The following CLYBL variants were observed in gnomAD, a reference collection of about 807,000 sequenced individuals.
CLYBL encodes citramalyl-CoA lyase.
In CLYBL, 31 loss-of-function variants were observed where a neutral mutation model predicts 38.9. That is an observed-to-expected ratio of 0.80 (90% CI 0.60 to 1.08). The LOEUF is 1.08. CLYBL is among the 50% of genes least tolerant of loss of function. CLYBL has a pLI of 0.00. For synonymous variants in CLYBL, 171 were observed against 158.6 expected (o/e 1.08, Z -0.59); for missense variants, 434 against 411.6 (o/e 1.05, Z -0.47).
intron 1 of CLYBL, chr13:99,727,379 A>G (rs755323578): frequency 2.6e-5 from 4 of 151,786 alleles, no homozygotes; most frequent in Non-Finnish European, 5.9e-5. Context: ...GCCTGCCTCC[A>G]CCTCTTTTCT....
At chr13:99,841,358 T>C (rs1371954675) in intron 2 of CLYBL, among the ~76,000 whole-genome samples, 4 of 152,014 alleles carry the variant, frequency 2.6e-5, no homozygotes, top group Non-Finnish European at 5.9e-5. Context: ...GTACCTATAA[T>C]GAAAGACAGA....
intron 1 of CLYBL, among the ~76,000 whole-genome samples, chr13:99,755,231 A>G (rs900971995): frequency 1.7e-4 from 26 of 152,246 alleles, no homozygotes; most frequent in African/African-American, 6.0e-4. Context: ...ACTCATTGTT[A>G]TGATTTCTGT....
chr13:99,676,194 T>TCCG (rs1566606815), intron 1 of CLYBL, among the ~76,000 whole-genome samples: 3 of 58,408 alleles, frequency 5.1e-5, no homozygotes, highest in African/African-American at 1.3e-4. Context: ...CCGTCCTTCC[T>TCCG]TCCTTCCTTC....
At chr13:99,821,604 C>A (rs1475286254) in intron 2 of CLYBL, among the ~76,000 whole-genome samples, 1 of 152,252 alleles carries the variant, frequency 6.6e-6, no homozygotes, top group Non-Finnish European at 1.5e-5. Flanking sequence ...CTCCCCAGCT[C>A]TCACAGGTCT....
At chr13:99,797,562 G>GTGTGTGTGTGTGTGTGTGTGTGTGTT (rs2050048056) in intron 2 of CLYBL, among the ~76,000 whole-genome samples, 1 of 149,624 alleles carries the variant, frequency 6.7e-6, no homozygotes, top group South Asian at 2.1e-4. Context: ...TTAGCTGTTT[G>GTGTGTGTGTGTGTGTGTGTGTGTGTT]TGTGTGTGTG....
chr13:99,650,836 G>A (rs1401092453), intron 1 of CLYBL, among the ~76,000 whole-genome samples: 2 of 152,144 alleles, frequency 1.3e-5, no homozygotes, highest in East Asian at 3.9e-4. Flanking sequence ...TCCACAAGCA[G>A]CAGTCACTCT....
chr13:99,857,965 G>C lies in CLYBL; in HGVS notation c.250-896G>C, dbSNP rs572135356. ...GGCTGTTGGCAAGTTGGAGGAGTTG[G>C]CTTTTGAAACTGAAATTGGCAGGAA... On this transcript the variant is annotated intron_variant, in intron 2 of 8. Coordinates refer to ENST00000339105, the MANE Select transcript of CLYBL (RefSeq NM_206808.5). Among the ~76,000 whole-genome samples, 8 of 152,266 alleles carry C rather than the reference G, an allele frequency of 5.3e-5. 1 individual carries two copies. In the South Asian group the frequency reaches 1.7e-3, roughly 32 times the overall value.
chr13:99,728,738 TTTTTG>T (rs996684631), intron 1 of CLYBL, among the ~76,000 whole-genome samples: 5 of 151,810 alleles, frequency 3.3e-5, no homozygotes, highest in Non-Finnish European at 7.4e-5. Context: ...ACTGTGTGCT[TTTTTG>T]TTTTGTTTTG....
chr13:99,637,962 CTTTT>C (rs34513643), intron 1 of CLYBL, among the ~76,000 whole-genome samples: 8 of 95,000 alleles, frequency 8.4e-5, no homozygotes, highest in Admixed American at 5.7e-4. Context: ...TCAACAGTGC[CTTTT>C]TTTTTTTTTT....
intron 1 of CLYBL, among the ~76,000 whole-genome samples, chr13:99,622,494 C>T (rs185524128): frequency 6.6e-6 from 1 of 152,228 alleles, no homozygotes; most frequent in Admixed American, 6.5e-5. Flanking sequence ...TTCTTTTTGT[C>T]TCCATTGCCC....
intron 2 of CLYBL, among the ~76,000 whole-genome samples, chr13:99,818,446 AACACACAC>A (rs57249330): frequency 6.2e-4 from 89 of 143,274 alleles, no homozygotes; most frequent in East Asian, 3.3e-3. Context: ...TGGAGCAGAA[AACACACAC>A]ACACACACAC....
chr13:99,871,097 T>G (rs1566361717), intron 7 of CLYBL, 35 bp downstream of exon 7: 3 of 1,607,490 alleles, frequency 1.9e-6, no homozygotes, highest in East Asian at 4.5e-5. Context: ...GTGAGAGCAG[T>G]ATTGAAAATA....
intron 7 of CLYBL, among the ~76,000 whole-genome samples, chr13:99,880,066 A>ATTTTT (rs1283526295): frequency 3.5e-4 from 21 of 60,766 alleles, no homozygotes; most frequent in African/African-American, 1.1e-3. Flanking sequence ...ATATATATAT[A>ATTTTT]TATTTTTTTT....
At chr13:99,840,255 A>G (rs1409284177) in intron 2 of CLYBL, among the ~76,000 whole-genome samples, 4 of 137,288 alleles carry the variant, frequency 2.9e-5, no homozygotes, top group Non-Finnish European at 6.1e-5. Flanking sequence ...CTTTCCTTAA[A>G]AAAAAAAAAA....
intron 1 of CLYBL, among the ~76,000 whole-genome samples, chr13:99,648,258 G>A (rs2139292808): frequency 6.6e-6 from 1 of 152,270 alleles, no homozygotes; most frequent in East Asian, 1.9e-4. Context: ...CTCACAATTG[G>A]CAGGACTATG....
intron 7 of CLYBL, among the ~76,000 whole-genome samples, chr13:99,876,052 TATC>T (rs1384723869): frequency 2.7e-5 from 4 of 147,660 alleles, no homozygotes; most frequent in African/African-American, 1.0e-4. Context: ...ATTGAAATCA[TATC>T]ATATTCTATT....
At chr13:99,695,704 G>C (rs1484587353) in intron 1 of CLYBL, among the ~76,000 whole-genome samples, 1 of 152,114 alleles carries the variant, frequency 6.6e-6, no homozygotes, top group African/African-American at 2.4e-5. Flanking sequence ...ATTTTTAGTA[G>C]AGAGAGATTT....
Position 99,650,421 on chromosome 13 carries a change from C to CA in CLYBL, c.62+43671dup, listed in dbSNP as rs544700995. The stretch of plus-strand genomic sequence containing the variant: ...TGGGTGACAGAATGAGACCCTGTCT[C>CA]AAAAAAAGAAGTTTTCAAGAGGGGA... On this transcript the variant is annotated intron_variant, in intron 1 of 8. Coordinates refer to ENST00000339105, the MANE Select transcript of CLYBL (RefSeq NM_206808.5). Among the ~76,000 whole-genome samples the CA allele has an allele frequency of 9.9e-5, 15 of 152,086 alleles. No homozygotes were observed. In the East Asian group the frequency reaches 2.9e-3, roughly 29 times the overall value.
intron 1 of CLYBL, among the ~76,000 whole-genome samples, chr13:99,689,912 G>A (rs913649900): frequency 2.0e-5 from 3 of 152,200 alleles, no homozygotes; most frequent in Non-Finnish European, 4.4e-5. Context: ...AATAGCCCAG[G>A]AGATGGATGG....
Sources: allele counts gnomAD v4.1 joint callset (sites outside exome capture counted in the v4.1 genomes callset), GRCh38; gene constraint gnomAD v4.1.1; transcripts MANE v1.5; gene names NCBI Gene and HGNC (gene_info 2026-07-23, HGNC 2026-07-21).